Variants in FNDC3B observed in about 807,000 individuals in gnomAD.
FNDC3B encodes fibronectin type III domain-containing protein 3B.
In FNDC3B, 12 loss-of-function variants were observed where a neutral mutation model predicts 151.5. The observed-to-expected ratio is 0.08, with a 90% confidence interval of 0.05 to 0.13. The LOEUF is 0.13. FNDC3B is among the 10% of genes least tolerant of loss of function. The pLI is 1.00. For missense variants in FNDC3B, 1,214 were observed against 1,505.3 expected (o/e 0.81, Z 3.20); for synonymous variants, 528 against 549.0 (o/e 0.96, Z 0.54).
intron 3 of FNDC3B, among the ~76,000 whole-genome samples, chr3:172,226,615 T>G (rs1726594526): frequency 6.6e-6 from 1 of 152,174 alleles, no homozygotes; most frequent in African/African-American, 2.4e-5. Context: ...GAACTTGAGG[T>G]TTTGGGAATC....
At chr3:172,238,093 A>T (rs1411945554) in intron 4 of FNDC3B, among the ~76,000 whole-genome samples, 2 of 152,250 alleles carry the variant, frequency 1.3e-5, no homozygotes, top group Non-Finnish European at 2.9e-5. Flanking sequence ...GATGTTTTCA[A>T]CCACACTTTT....
At chr3:172,170,529 G>A (rs773849012) in intron 3 of FNDC3B, among the ~76,000 whole-genome samples, 24 of 152,174 alleles carry the variant, frequency 1.6e-4, no homozygotes, top group Non-Finnish European at 2.9e-4. Flanking sequence ...CATTCCAATA[G>A]GATCCCTGGA....
intron 3 of FNDC3B, among the ~76,000 whole-genome samples, chr3:172,148,265 G>A (rs1722019432): frequency 6.6e-6 from 1 of 152,042 alleles, no homozygotes; most frequent in Non-Finnish European, 1.5e-5. Flanking sequence ...TAAAAAATAT[G>A]AAAAATATTC....
chr3:172,104,657 C>T (rs1018339709), intron 1 of FNDC3B, among the ~76,000 whole-genome samples: 18 of 152,106 alleles, frequency 1.2e-4, no homozygotes, highest in Non-Finnish European at 4.4e-5. Context: ...TCCACATGGG[C>T]AGAGCCAATG....
At chr3:172,239,853 G>GTTTTTTTTTTTTTT (rs1195281476) in intron 4 of FNDC3B, among the ~76,000 whole-genome samples, 8 of 65,872 alleles carry the variant, frequency 1.2e-4, no homozygotes, top group African/African-American at 4.5e-4. Context: ...ATCCATTTTA[G>GTTTTTTTTTTTTTT]TTCTTTTTTT....
chr3:172,346,545 A>AT (rs55676402), intron 20 of FNDC3B, 105 bp downstream of exon 20: 11,622 of 442,118 alleles, frequency 0.026, 29 homozygotes, highest in African/African-American at 0.032. Context: ...CATATAGATG[A>AT]TTTTTTTTTT....
At chr3:172,242,408 C>T (rs1482366934) in intron 4 of FNDC3B, among the ~76,000 whole-genome samples, 1 of 152,222 alleles carries the variant, frequency 6.6e-6, no homozygotes, top group East Asian at 1.9e-4. Context: ...CTGCAGCAAA[C>T]TTCTGCCTGG....
chr3:172,210,525 C>T (rs903624104), intron 3 of FNDC3B, among the ~76,000 whole-genome samples: 3 of 151,900 alleles, frequency 2.0e-5, no homozygotes, highest in Non-Finnish European at 4.4e-5. Context: ...ATTTTTAAAA[C>T]TTTTTTAGAG....
rs527913756 is a variant in FNDC3B, at chr3:172,352,367, A to G, written c.2515-436A>G. ...GCTATTCCAGGACAGCTCTAGACTT[A>G]AAAGTCAGATGAACCGGATTCCGGT... On this transcript the variant is annotated intron_variant, in intron 21 of 25. Coordinates refer to ENST00000415807, the MANE Select transcript of FNDC3B (RefSeq NM_022763.4). This position sits in a 1 kb window ranked among gnomAD's most constrained non-coding sequence, Gnocchi z 4.2. Among the ~76,000 whole-genome samples the G allele has an allele frequency of 6.6e-6, 1 of 152,270 alleles. No individual in the cohort carries two copies. Among genetic ancestry groups the G allele is most frequent in the African/African-American group, 2.4e-5 (1 of 41,556 alleles).
intron 1 of FNDC3B, among the ~76,000 whole-genome samples, chr3:172,098,603 A>C (rs1486464114): frequency 1.3e-5 from 2 of 152,226 alleles, no homozygotes; most frequent in Non-Finnish European, 2.9e-5. Context: ...GATTCTTGGG[A>C]GTACTTTCCA....
intron 2 of FNDC3B, among the ~76,000 whole-genome samples, chr3:172,122,525 A>G (rs911105206): frequency 1.2e-4 from 18 of 152,228 alleles, no homozygotes; most frequent in African/African-American, 3.9e-4. Flanking sequence ...AAGAAACATT[A>G]TGCATGTGCT....
intron 13 of FNDC3B, among the ~76,000 whole-genome samples, chr3:172,332,782 AG>A (rs1286576304): frequency 6.6e-6 from 1 of 152,176 alleles, no homozygotes; most frequent in African/African-American, 2.4e-5. Flanking sequence ...CTCGGTGCAA[AG>A]GGCTTTTTTC....
chr3:172,388,345 G>T (rs1343958855), intron 25 of FNDC3B, among the ~76,000 whole-genome samples: 1 of 152,066 alleles, frequency 6.6e-6, no homozygotes, highest in Non-Finnish European at 1.5e-5. Context: ...CTCTCATTTG[G>T]AATAAACATG....
intron 3 of FNDC3B, among the ~76,000 whole-genome samples, chr3:172,163,093 C>T (rs1722856149): frequency 6.6e-6 from 1 of 151,902 alleles, no homozygotes; most frequent in Non-Finnish European, 1.5e-5. Flanking sequence ...GGCAACGACT[C>T]TGTCTATACA....
chr3:172,335,102 C>A lies in FNDC3B; in HGVS notation c.1780+20C>A. 6.7e-7 allele frequency: 1 copy of A among 1,490,236 alleles called. No homozygotes were observed. Among genetic ancestry groups the A allele is most frequent in the Non-Finnish European group, 8.9e-7 (1 of 1,121,680 alleles). The allele number at this position is 1,490,236 out of a possible 1,614,324, so 92.3% of individuals were successfully genotyped here. ...AATGGGGTATGTTTTGCTGCTGCTGCTACTGTTTTTTTTTTTTTTTTCTTT... is the reference window on the plus strand; with the variant it reads ...AATGGGGTATGTTTTGCTGCTGCTGATACTGTTTTTTTTTTTTTTTTCTTT... On this transcript the variant is annotated intron_variant, in intron 15 of 25. Coordinates refer to ENST00000415807, the MANE Select transcript of FNDC3B (RefSeq NM_022763.4).
At chr3:172,222,450 T>C (rs1309369447) in intron 3 of FNDC3B, among the ~76,000 whole-genome samples, 2 of 152,208 alleles carry the variant, frequency 1.3e-5, no homozygotes, top group East Asian at 1.9e-4. Flanking sequence ...AATGGGTGAA[T>C]GTTGTGAAGA....
At chr3:172,065,191 G>A (rs1264268449) in intron 1 of FNDC3B, among the ~76,000 whole-genome samples, 6 of 152,148 alleles carry the variant, frequency 3.9e-5, no homozygotes, top group Non-Finnish European at 8.8e-5. Flanking sequence ...AATTAGCCGG[G>A]CATGGTGGCA....
intron 3 of FNDC3B, among the ~76,000 whole-genome samples, chr3:172,163,090 A>G (rs1205906354): frequency 6.6e-6 from 1 of 151,708 alleles, no homozygotes; most frequent in Non-Finnish European, 1.5e-5. Context: ...CTGGGCAACG[A>G]CTCTGTCTAT....
chr3:172,325,846 C>T (rs1472604356), intron 11 of FNDC3B, among the ~76,000 whole-genome samples: 4 of 152,128 alleles, frequency 2.6e-5, no homozygotes, highest in Non-Finnish European at 4.4e-5. Context: ...ATATTAGAGA[C>T]AGAGTCTCGT....
Sources: allele counts gnomAD v4.1 joint callset (sites outside exome capture counted in the v4.1 genomes callset), GRCh38; gene constraint gnomAD v4.1.1; non-coding constraint Gnocchi (gnomAD v3.1); transcripts MANE v1.5; gene names NCBI Gene and HGNC (gene_info 2026-07-23, HGNC 2026-07-21).